Variants in DOCK3 observed in about 807,000 individuals in gnomAD.
The protein encoded by DOCK3 is dedicator of cytokinesis 3, also known as dedicator of cytokinesis protein 3.
A neutral mutation model predicts 265.6 loss-of-function variants in DOCK3; 60 were observed. The ratio of observed to expected loss-of-function variants is 0.23; its 90% CI spans 0.18 to 0.28. The LOEUF (loss-of-function observed/expected upper bound fraction) is 0.28, where lower values mean the gene tolerates loss of function less well. DOCK3 is among the 10% of genes least tolerant of loss of function. The pLI, the probability that DOCK3 is intolerant of heterozygous loss-of-function variation, is 1.00. For missense variants in DOCK3, 1,981 were observed against 2,594.3 expected, an observed-to-expected ratio of 0.76 and a Z score of 5.14; for synonymous variants, 881 against 938.0, an observed-to-expected ratio of 0.94 and a Z score of 1.11.
chr3:51,328,134 C>A (rs1480594099), intron 32 of DOCK3, among the ~76,000 whole-genome samples: 3 of 152,182 alleles, frequency 2.0e-5, no homozygotes, highest in African/African-American at 7.2e-5. Context: ...TAATTTCTAA[C>A]AAGATCTCTG....
Position 51,381,679 on chromosome 3 carries a change from A to G in DOCK3, c.*120A>G. On this transcript the variant is annotated 3_prime_UTR_variant, in exon 53 of 53. Coordinates refer to ENST00000266037, the MANE Select transcript of DOCK3 (RefSeq NM_004947.5). The surrounding 1 kb of genome is among the most constrained non-coding windows in gnomAD (Gnocchi z 5.6). Reference sequence around the variant, plus strand: ...CCAGAGAGGCTTGCACTCAGGAGAGAACCACCCCCAAGTCTCCGTTCTACT... The same window carrying G: ...CCAGAGAGGCTTGCACTCAGGAGAGGACCACCCCCAAGTCTCCGTTCTACT... 1 of 1,344,012 alleles carries G rather than the reference A, an allele frequency of 7.4e-7. No homozygotes were observed. Among genetic ancestry groups the G allele is most frequent in the East Asian group, 2.5e-5 (1 of 39,370 alleles). 83.3% of individuals were successfully genotyped at this position (1,344,012 alleles called of 1,614,324 possible). A position where few individuals can be genotyped will look rare whatever the true frequency, so the allele number is the denominator to read the frequency against.
At chr3:51,063,318 T>C (rs1049018844) in intron 5 of DOCK3, among the ~76,000 whole-genome samples, 2 of 152,138 alleles carry the variant, frequency 1.3e-5, no homozygotes, top group Non-Finnish European at 2.9e-5. Flanking sequence ...GAGCTGATTA[T>C]ATTACTGCAC....
intron 22 of DOCK3, among the ~76,000 whole-genome samples, chr3:51,247,871 C>G (rs1161072398): frequency 6.6e-6 from 1 of 152,178 alleles, no homozygotes; most frequent in Admixed American, 6.5e-5. Flanking sequence ...GGCCTCGGTT[C>G]TCTTCTTCTC....
At chr3:50,907,356 TAA>T (rs2049577320) in intron 4 of DOCK3, among the ~76,000 whole-genome samples, 1 of 152,028 alleles carries the variant, frequency 6.6e-6, no homozygotes, top group South Asian at 2.1e-4. Flanking sequence ...AGTGGGGTGT[TAA>T]AAGTCTCCCA....
At chr3:51,276,901 T>A (rs937119626) in intron 25 of DOCK3, among the ~76,000 whole-genome samples, 1 of 152,218 alleles carries the variant, frequency 6.6e-6, no homozygotes, top group African/African-American at 2.4e-5. Flanking sequence ...TATAATAGGA[T>A]AATAGACTCT....
chr3:51,146,477 G>T lies in DOCK3; in HGVS notation c.747-72G>T, dbSNP rs148214777. 1.5e-5 allele frequency: 22 copies of T among 1,456,058 alleles called. No homozygotes were observed. The East Asian group carries it at 5.2e-4, about 34-fold the overall frequency. 90.2% of individuals were successfully genotyped at this position (1,456,058 alleles called of 1,614,324 possible). On this transcript the variant is annotated intron_variant, in intron 9 of 52. Transcript: ENST00000266037. ...ATGTAAATATGTTTAGTGTTTTTCC[G>T]TATCTGCCCTTTTTCTTTGTTCTGG...
chr3:50,909,447 G>C (rs1391780527), intron 4 of DOCK3, among the ~76,000 whole-genome samples: 2 of 151,960 alleles, frequency 1.3e-5, no homozygotes, highest in Non-Finnish European at 2.9e-5. Context: ...CTTTGAAAAG[G>C]ATCTTATCTC....
intron 32 of DOCK3, among the ~76,000 whole-genome samples, chr3:51,329,935 A>G (rs1053482604): frequency 6.6e-6 from 1 of 152,122 alleles, no homozygotes; most frequent in African/African-American, 2.4e-5. Context: ...TTTTCAAACC[A>G]TTAGGGTGGG....
intron 49 of DOCK3, 43 bp downstream of exon 49, chr3:51,362,717 T>C: frequency 6.2e-7 from 1 of 1,601,604 alleles, no homozygotes; most frequent in Non-Finnish European, 8.5e-7. Context: ...AGAAGAGAGG[T>C]CTTCATCAAC....
chr3:51,262,629 A>G (rs1372432978), intron 23 of DOCK3, among the ~76,000 whole-genome samples: 1 of 152,236 alleles, frequency 6.6e-6, no homozygotes, highest in Non-Finnish European at 1.5e-5. Context: ...TCCAAGCTAA[A>G]GGAGCATGTT....
chr3:50,722,908 A>G (rs1230322189), intron 1 of DOCK3, among the ~76,000 whole-genome samples: 1 of 151,666 alleles, frequency 6.6e-6, no homozygotes, highest in Admixed American at 6.6e-5. Context: ...AGTAGCTGGG[A>G]CTACAGGCAC....
intron 5 of DOCK3, among the ~76,000 whole-genome samples, chr3:50,949,724 C>T (rs1318869432): frequency 6.6e-6 from 1 of 152,026 alleles, no homozygotes; most frequent in Non-Finnish European, 1.5e-5. Context: ...AGGAATTTTT[C>T]CATCTTACCC....
At position 51,277,685 on chromosome 3, in the gene DOCK3, C is replaced by G. The variant is rs1371367479; in HGVS notation, c.2754C>G (p.Ile918Met). ...LDVLLQTLLT[I>M]MSKSHAQEAV... Reference sequence around the variant, plus strand: ...TGCTCTTGCAGACTCTGCTCACCATCATGAGCAAATCGCACGCTCAGGAGG... The same window carrying G: ...TGCTCTTGCAGACTCTGCTCACCATGATGAGCAAATCGCACGCTCAGGAGG... Residue 918 changes from isoleucine (I) to methionine (M), a missense_variant, in exon 26 of 53, where the codon ATC becomes ATG. Physicochemically the swap from Ile to Met is conservative, Grantham distance 10 (BLOSUM62 1). Coordinates refer to ENST00000266037, the MANE Select transcript of DOCK3 (RefSeq NM_004947.5). 1 of 1,610,244 alleles carries G rather than the reference C, an allele frequency of 6.2e-7. No individual in the cohort carries two copies. Among genetic ancestry groups the G allele is most frequent in the African/African-American group, 1.3e-5 (1 of 74,826 alleles).
chr3:50,919,480 A>G (rs2050314120), intron 4 of DOCK3, among the ~76,000 whole-genome samples: 1 of 152,018 alleles, frequency 6.6e-6, no homozygotes, highest in Admixed American at 6.6e-5. Flanking sequence ...ATCCCTTGTA[A>G]GTTATATTCC....
At chr3:51,179,929 C>T (rs1034245266) in intron 12 of DOCK3, among the ~76,000 whole-genome samples, 1 of 150,550 alleles carries the variant, frequency 6.6e-6, no homozygotes, top group Non-Finnish European at 1.5e-5. Flanking sequence ...CAAGGGCCGG[C>T]GGACGCGGTG....
At chr3:51,131,221 G>A (rs1481541101) in intron 9 of DOCK3, among the ~76,000 whole-genome samples, 1 of 152,094 alleles carries the variant, frequency 6.6e-6, no homozygotes, top group Non-Finnish European at 1.5e-5. Flanking sequence ...TCAGACCTGA[G>A]CTAAAACTCC....
intron 10 of DOCK3, among the ~76,000 whole-genome samples, chr3:51,155,847 A>G (rs1342805796): frequency 2.6e-5 from 4 of 152,158 alleles, no homozygotes; most frequent in Non-Finnish European, 5.9e-5. Flanking sequence ...GTATTTACTC[A>G]TTTTTAGATA....
chr3:51,009,393 G>A (rs2078842353), intron 5 of DOCK3, among the ~76,000 whole-genome samples: 1 of 152,242 alleles, frequency 6.6e-6, no homozygotes, highest in Non-Finnish European at 1.5e-5. Flanking sequence ...AGATTTTCTA[G>A]TTTATTTTTA....
At chr3:50,891,653 AT>A (rs2048647322) in intron 4 of DOCK3, among the ~76,000 whole-genome samples, 1 of 151,940 alleles carries the variant, frequency 6.6e-6, no homozygotes, top group Non-Finnish European at 1.5e-5. Context: ...CTTATTATAA[AT>A]TCAGAAGTAA....
Sources: allele counts gnomAD v4.1 joint callset (sites outside exome capture counted in the v4.1 genomes callset), GRCh38; gene constraint gnomAD v4.1.1; non-coding constraint Gnocchi (gnomAD v3.1); transcripts MANE v1.5; gene names NCBI Gene and HGNC (gene_info 2026-07-23, HGNC 2026-07-21).